Variants in SBF2 observed in about 807,000 individuals in gnomAD.
SBF2 encodes SET binding factor 2, also known as myotubularin-related protein 13.
In SBF2, 112 loss-of-function variants were observed where a neutral mutation model predicts 225.2. The observed-to-expected ratio is 0.50, with a 90% CI of 0.43 to 0.58. SBF2 has a LOEUF of 0.58. Ranked by LOEUF, SBF2 falls within the 20% of genes least tolerant of loss-of-function variation. The probability of loss-of-function intolerance (pLI) is 0.00; values close to 1 mark genes in which losing one functional copy is unlikely to be tolerated. For synonymous variants in SBF2, 763 were observed against 773.3 expected, an observed-to-expected ratio of 0.99 and a Z score of 0.22; for missense variants, 1,996 against 2,206.2, an observed-to-expected ratio of 0.90 and a Z score of 1.91.
intron 2 of SBF2, among the ~76,000 whole-genome samples, chr11:10,053,599 T>C (rs1950136995): frequency 6.6e-6 from 1 of 151,848 alleles, no homozygotes; most frequent in Non-Finnish European, 1.5e-5. Context: ...CTTCAAAAGT[T>C]TGAAAAAAGA....
chr11:9,929,638 G>A (rs1864334818), intron 16 of SBF2, among the ~76,000 whole-genome samples: 1 of 152,148 alleles, frequency 6.6e-6, no homozygotes, highest in Admixed American at 6.5e-5. Context: ...TCTTCTCCAT[G>A]ACAATGCATG....
chr11:9,938,929 T>A (rs1480649076), intron 16 of SBF2, among the ~76,000 whole-genome samples: 2 of 152,024 alleles, frequency 1.3e-5, no homozygotes, highest in Non-Finnish European at 2.9e-5. Flanking sequence ...AAATAATGTA[T>A]TTGGGAAAAA....
intron 2 of SBF2, among the ~76,000 whole-genome samples, chr11:10,172,074 CAA>C (rs1384400215): frequency 2.0e-5 from 3 of 151,860 alleles, no homozygotes; most frequent in Admixed American, 6.6e-5. Context: ...TTTATCATTA[CAA>C]AAAAACCAAC....
intron 1 of SBF2, among the ~76,000 whole-genome samples, chr11:10,225,691 A>C (rs1958512447): frequency 6.6e-6 from 1 of 152,154 alleles, no homozygotes; most frequent in African/African-American, 2.4e-5. Context: ...CTGTCATGAA[A>C]GTTCTTAAAA....
intron 2 of SBF2, among the ~76,000 whole-genome samples, chr11:10,154,716 TA>T (rs1026434550): frequency 7.8e-4 from 119 of 152,306 alleles, no homozygotes; most frequent in African/African-American, 2.8e-3. Flanking sequence ...TATGTGGCCA[TA>T]ACTTGAGATT....
intron 17 of SBF2, among the ~76,000 whole-genome samples, chr11:9,891,463 T>C (rs117955090): frequency 1.1e-3 from 171 of 152,314 alleles, no homozygotes; most frequent in Non-Finnish European, 1.9e-3. Context: ...AGCTGATCAA[T>C]GGATATGAAA....
At chr11:10,170,442 T>C (rs970713550) in intron 2 of SBF2, among the ~76,000 whole-genome samples, 2 of 152,180 alleles carry the variant, frequency 1.3e-5, no homozygotes, top group Non-Finnish European at 2.9e-5. Context: ...CCTGTAGATA[T>C]ACAGATTTGT....
At chr11:9,967,435 A>G (rs1866994608) in intron 14 of SBF2, among the ~76,000 whole-genome samples, 1 of 152,148 alleles carries the variant, frequency 6.6e-6, no homozygotes, top group African/African-American at 2.4e-5. Flanking sequence ...CATTGGAAAT[A>G]TTATGCTAAA....
At chr11:9,855,539 A>C (rs1397873141) in intron 19 of SBF2, among the ~76,000 whole-genome samples, 2 of 152,186 alleles carry the variant, frequency 1.3e-5, no homozygotes, top group Non-Finnish European at 2.9e-5. Context: ...GAATTTCACT[A>C]CTGTTGGGTT....
rs748887350 is a variant in SBF2 at position 9,963,857 on chromosome 11, T to C, written c.1626A>G (p.Thr542=). Residue 542 remains threonine (T), a synonymous_variant, in exon 15 of 40, where the codon ACA becomes ACG. Transcript: ENST00000256190. ...PVVSIMDKVT[T]VFNSAQRLEV... is the part of the protein sequence containing the mutation. ...CTAGTCTTTGTGCACTGTTGAAAAC[T>C]GTCGTCACCTTGTCCATTATCGAAA... 1 of 1,604,640 alleles carries C rather than the reference T, an allele frequency of 6.2e-7. No homozygotes were observed.
chr11:9,916,261 T>C (rs1863083667), intron 16 of SBF2, among the ~76,000 whole-genome samples: 1 of 152,172 alleles, frequency 6.6e-6, no homozygotes, highest in Admixed American at 6.6e-5. Context: ...AGAGAAAAGC[T>C]TAGCTAGCTC....
chr11:9,862,032 C>G (rs1393243624), intron 17 of SBF2, among the ~76,000 whole-genome samples: 1 of 152,114 alleles, frequency 6.6e-6, no homozygotes, highest in Non-Finnish European at 1.5e-5. Context: ...AGTACAAACA[C>G]TTGGTGGCAA....
rs546284239 is a variant in SBF2 at position 9,936,368 on chromosome 11, G to GTT, written c.1860+25587_1860+25588dup. Reference sequence around the variant, plus strand: ...ACACTGTTGGTGGGACTGTAAATGAGTTCAACCATTGTGGAAGACAGGGTG... The same window carrying GTT: ...ACACTGTTGGTGGGACTGTAAATGAGTTTTCAACCATTGTGGAAGACAGGGTG... On this transcript the variant is annotated intron_variant, in intron 16 of 39. Coordinates refer to ENST00000256190, the MANE Select transcript of SBF2 (RefSeq NM_030962.4). 2.2e-3 allele frequency among the ~76,000 whole-genome samples: 333 copies of GTT among 152,316 alleles called. 2 individuals carry two copies. Among genetic ancestry groups the GTT allele is most frequent in the African/African-American group, 7.8e-3 (323 of 41,558 alleles).
At position 9,992,823 on chromosome 11, in the gene SBF2, A is replaced by ATG. The variant is rs60479663; in HGVS notation, c.1167+165_1167+166dup. 0.52 allele frequency among the ~76,000 whole-genome samples: 79,485 copies of ATG among 151,818 alleles called. 21,310 individuals carry two copies. Among genetic ancestry groups the ATG allele is most frequent in the Admixed American group, 0.62 (9,438 of 15,266 alleles). ...TAAAGTTAACATATTCTAAGATATTATGAGTTCCATATTATTATTAAGAAC... is the reference window on the plus strand; with the variant it reads ...TAAAGTTAACATATTCTAAGATATTATGTGAGTTCCATATTATTATTAAGAAC... On this transcript the variant is annotated intron_variant, in intron 11 of 39. Coordinates refer to ENST00000256190, the MANE Select transcript of SBF2 (RefSeq NM_030962.4).
At chr11:9,917,003 A>G (rs2134207569) in intron 16 of SBF2, among the ~76,000 whole-genome samples, 1 of 151,774 alleles carries the variant, frequency 6.6e-6, no homozygotes, top group Admixed American at 6.6e-5. Flanking sequence ...TTATACTTAG[A>G]CATTTAATTT....
intron 2 of SBF2, among the ~76,000 whole-genome samples, chr11:10,165,734 C>T (rs922821463): frequency 2.0e-5 from 3 of 152,068 alleles, no homozygotes; most frequent in Admixed American, 2.0e-4. Flanking sequence ...TGCCTAAGTT[C>T]TAGAAATTTT....
chr11:9,872,165 G>A (rs997182837), intron 17 of SBF2, among the ~76,000 whole-genome samples: 7 of 152,178 alleles, frequency 4.6e-5, no homozygotes, highest in Non-Finnish European at 1.0e-4. Context: ...CATGATCTTT[G>A]CAGGGATATA....
intron 2 of SBF2, among the ~76,000 whole-genome samples, chr11:10,068,249 A>T (rs553001758): frequency 6.6e-6 from 1 of 152,174 alleles, no homozygotes; most frequent in East Asian, 1.9e-4. Flanking sequence ...TTTTAAAATA[A>T]ATCATAGGCA....
chr11:10,117,424 G>A, intron 2 of SBF2, among the ~76,000 whole-genome samples: 1 of 131,972 alleles, frequency 7.6e-6, no homozygotes, highest in East Asian at 2.3e-4. Context: ...CTGGGCGACA[G>A]AGTGAGAATC....
Sources: gnomAD v4.1 joint callset for allele counts (sites outside exome capture counted in the v4.1 genomes callset) on GRCh38, gnomAD v4.1.1 for gene constraint, MANE v1.5 for transcripts, NCBI Gene and HGNC (gene_info 2026-07-23, HGNC 2026-07-21) for gene names.